MADD: variants seen among roughly 807,000 people sequenced by gnomAD.
MADD encodes the protein MAP kinase activating death domain.
In MADD, 109 loss-of-function variants were observed where a neutral mutation model predicts 176.7. The observed-to-expected ratio is 0.62, with a 90% CI of 0.53 to 0.72. The LOEUF (loss-of-function observed/expected upper bound fraction) is 0.72. Among genes scored for constraint, MADD ranks in the 30% least tolerant of loss-of-function variants. MADD has a pLI of 0.00. For missense variants in MADD, 1,914 were observed against 2,045.5 expected, an observed-to-expected ratio of 0.94 and a Z score of 1.24; for synonymous variants, 771 against 771.3, an observed-to-expected ratio of 1.00 and a Z score of 0.01.
chr11:47,283,084 T>A (rs934183187), intron 10 of MADD, 115 bp downstream of exon 10: 9 of 826,862 alleles, frequency 1.1e-5, no homozygotes, highest in Non-Finnish European at 1.5e-5. Context: ...GTTTTTAATT[T>A]TATTTTATTT....
In MADD at chr11:47,295,593, A is replaced by G; in HGVS notation, c.3483+17A>G. On this transcript the variant is annotated intron_variant, in intron 21 of 32. Coordinates refer to ENST00000402192, the Ensembl canonical transcript of MADD. ...GTTAGCACCGTGGTAGGGGAACACC[A>G]CACTGGCATCTTGGTGGGTGGGGTG... The G allele has an allele frequency of 6.2e-7, 1 of 1,613,804 alleles. No individual in the cohort carries two copies. The highest frequency in any genetic ancestry group is 8.5e-7 in the Non-Finnish European group (1 of 1,179,896).
In MADD at chr11:47,324,684, A is replaced by G. The variant is rs1460846558; in HGVS notation, c.4542+107A>G. On this transcript the variant is annotated intron_variant, in intron 30 of 32. Coordinates refer to ENST00000402192, the Ensembl canonical transcript of MADD. ...GCAAGCATGAGAGAGGGCCCTCTGGAGCTAGAGGGAGAACTGGAGCAGCTG... is the reference window on the plus strand; with the variant it reads ...GCAAGCATGAGAGAGGGCCCTCTGGGGCTAGAGGGAGAACTGGAGCAGCTG... 5.9e-5 allele frequency: 46 copies of G among 783,014 alleles called. No homozygotes were observed. The East Asian group carries it at 1.2e-3, about 21-fold the overall frequency. The allele number at this position is 783,014 out of a possible 1,614,324, so 48.5% of individuals were successfully genotyped here. A position where few individuals can be genotyped will look rare whatever the true frequency, so the allele number is the denominator to read the frequency against.
At chr11:47,306,194 G>A (rs2082468221) in intron 22 of MADD, among the ~76,000 whole-genome samples, 1 of 152,124 alleles carries the variant, frequency 6.6e-6, no homozygotes, top group African/African-American at 2.4e-5. Context: ...AGTGGGGAGG[G>A]GTAGGTGGAG....
intron 19 of MADD, 47 bp from the exon 21 acceptor site, chr11:47,292,496 C>G (rs753819735): frequency 6.3e-7 from 1 of 1,578,968 alleles, no homozygotes; most frequent in South Asian, 1.1e-5. Flanking sequence ...TCTGACCAGC[C>G]TCTGACTTTC....
At chr11:47,289,787 A>G in intron 16 of MADD, 80 bp from the exon 18 acceptor site, 1 of 1,495,036 alleles carries the variant, frequency 6.7e-7, no homozygotes, top group East Asian at 2.3e-5. Flanking sequence ...CCCTGGAGGC[A>G]GACATCTAGT....
intron 22 of MADD, among the ~76,000 whole-genome samples, chr11:47,297,773 T>TTTTC (rs1244984486): frequency 2.7e-4 from 39 of 143,120 alleles, no homozygotes; most frequent in African/African-American, 9.9e-4. Flanking sequence ...TTTTCTTTTC[T>TTTTC]TTTCTTTCTT....
rs533025247 is a variant in MADD, at chr11:47,289,160, C to G, written c.2654-231C>G. 2.1e-4 allele frequency: 192 copies of G among 924,274 alleles called. 3 individuals carry two copies. The South Asian group carries it at 3.0e-3, about 14-fold the overall frequency. 57.3% of individuals were successfully genotyped at this position (924,274 alleles called of 1,614,324 possible). A position where few individuals can be genotyped will look rare whatever the true frequency, so the allele number is the denominator to read the frequency against. On this transcript the variant is annotated intron_variant, in intron 15 of 32. Transcript: ENST00000402192. ...CCTGCTTGCCCCGTCCCCCGTGACG[C>G]CCATGCTTGCCCATGGGGCTTGCTG...
At chr11:47,295,873 C>T in intron 21 of MADD, 24 bp from the exon 24 acceptor site, 1 of 1,605,142 alleles carries the variant, frequency 6.2e-7, no homozygotes, top group Non-Finnish European at 8.5e-7. Context: ...GGGACTGTCT[C>T]TTACTACCTT....
At chr11:47,303,244 T>TG (rs1450527222) in intron 22 of MADD, among the ~76,000 whole-genome samples, 1 of 147,710 alleles carries the variant, frequency 6.8e-6, no homozygotes, top group Non-Finnish European at 1.5e-5. Flanking sequence ...TTGCTGTTTT[T>TG]TTTTTTTTTT....
At chr11:47,322,332 G>A (rs1004515996) in intron 27 of MADD, among the ~76,000 whole-genome samples, 4 of 152,270 alleles carry the variant, frequency 2.6e-5, no homozygotes, top group East Asian at 3.9e-4. Context: ...AACTGGCTGC[G>A]CATGGTGGCT....
At chr11:47,308,983 G>C (rs2140795090) in intron 23 of MADD, 1 of 1,613,874 alleles carries the variant, frequency 6.2e-7, no homozygotes, top group South Asian at 1.1e-5. Flanking sequence ...TTGGCAGGAA[G>C]GGACAAAGGA....
chr11:47,308,818 A>G (rs2085362592), intron 23 of MADD, 119 bp downstream of exon 25: 1 of 1,019,098 alleles, frequency 9.8e-7, no homozygotes, highest in East Asian at 2.4e-5. Context: ...AACATTAGAT[A>G]GCAGTTTTAT....
At chr11:47,270,530 A>T (rs1360387080) in intron 1 of MADD, 1 of 136,322 alleles carries the variant, frequency 7.3e-6, no homozygotes, top group Non-Finnish European at 1.6e-5. Flanking sequence ...AGAACTGTCC[A>T]GCAGGTGAGG....
exon 3 of MADD, chr11:47,274,651 G>C (rs2048152899): frequency 6.2e-7 from 1 of 1,614,094 alleles, no homozygotes; most frequent in Admixed American, 1.7e-5. Flanking sequence ...CCTGCCCCCA[G>C]ATGTAGTGTT....
At chr11:47,316,116 G>A (rs879565055) in intron 27 of MADD, among the ~76,000 whole-genome samples, 1 of 152,096 alleles carries the variant, frequency 6.6e-6, no homozygotes, top group African/African-American at 2.4e-5. Flanking sequence ...GATTACAGGT[G>A]TGAGCCACTG....
Position 47,295,885 on chromosome 11 carries a change from T to C in MADD, c.3484-12T>C, listed in dbSNP as rs1031220511. On this transcript the variant is annotated splice_polypyrimidine_tract_variant and intron_variant, in intron 21 of 32. Coordinates refer to ENST00000402192, the Ensembl canonical transcript of MADD. ...CTGGGGACTGTCTCTTACTACCTTT[T>C]TTCCTTTCCAGGTGAGTAATAGCTC... 33 of 1,608,274 alleles carry C rather than the reference T, an allele frequency of 2.1e-5. No homozygotes were observed. The highest frequency in any genetic ancestry group is 2.7e-5 in the Non-Finnish European group (32 of 1,177,378).
At chr11:47,284,859 T>C in intron 12 of MADD, 82 bp from the exon 13 acceptor site, 1 of 1,565,476 alleles carries the variant, frequency 6.4e-7, no homozygotes. Context: ...CTGACAGGCC[T>C]GGTCCAGCCC....
At chr11:47,276,980 G>A in intron 5 of MADD, 117 bp downstream of exon 5, 1 of 1,274,248 alleles carries the variant, frequency 7.8e-7, no homozygotes, top group African/African-American at 1.5e-5. Context: ...TAACTTATTT[G>A]TCTACAAAAT....
At chr11:47,271,078 C>T (rs1962539638) in intron 1 of MADD, 1 of 152,212 alleles carries the variant, frequency 6.6e-6, no homozygotes, top group South Asian at 2.1e-4. Context: ...CCTAAATCTA[C>T]CTCTGGGTGG....
Sources: gnomAD v4.1 joint callset for allele counts (sites outside exome capture counted in the v4.1 genomes callset) on GRCh38, gnomAD v4.1.1 for gene constraint, MANE v1.5 for transcripts, NCBI Gene and HGNC (gene_info 2026-07-23, HGNC 2026-07-21) for gene names.